Variants in ROBO1 observed in about 807,000 individuals in gnomAD.
The protein encoded by ROBO1 is roundabout guidance receptor 1.
A neutral mutation model predicts 195.9 loss-of-function variants in ROBO1; 149 were observed. The ratio of observed to expected loss-of-function variants is 0.76; its 90% CI spans 0.67 to 0.87. The LOEUF is 0.87. Ranked by LOEUF, ROBO1 falls within the 40% of genes least tolerant of loss-of-function variation. The pLI, the probability that ROBO1 is intolerant of heterozygous loss-of-function variation, is 0.00. For synonymous variants in ROBO1, 816 were observed against 733.2 expected, an observed-to-expected ratio of 1.11 and a Z score of -1.82; for missense variants, 1,933 against 2,068.3, an observed-to-expected ratio of 0.93 and a Z score of 1.27.
chr3:78,695,317 G>T lies in ROBO1; in HGVS notation c.1046-6545C>A, dbSNP rs140644325. Among the ~76,000 whole-genome samples the T allele has an allele frequency of 5.7e-3, 864 of 152,164 alleles. 11 individuals carry two copies. The highest frequency in any genetic ancestry group is 0.02 in the African/African-American group (822 of 41,546). ...TAATGTATTTGCATATCACATCAATGACAGATGACAACTGAAAAATATTTT... is the reference window on the plus strand; with the variant it reads ...TAATGTATTTGCATATCACATCAATTACAGATGACAACTGAAAAATATTTT... On this transcript the variant is annotated intron_variant, in intron 8 of 30. Transcript: ENST00000464233.
In ROBO1 at chr3:79,187,298, G is replaced by A. The variant is rs564870138; in HGVS notation, c.89-61759C>T. On this transcript the variant is annotated intron_variant, in intron 2 of 30. Transcript: ENST00000464233. Reference sequence around the variant, plus strand: ...CATCTGGAAGAGATACCAAATAGGAGTTTCTACATTGTCTCTAAATTTCCT... The same window carrying A: ...CATCTGGAAGAGATACCAAATAGGAATTTCTACATTGTCTCTAAATTTCCT... Among the ~76,000 whole-genome samples the A allele has an allele frequency of 2.2e-4, 33 of 152,084 alleles. No individual in the cohort carries two copies. The East Asian group carries it at 6.2e-3, about 29-fold the overall frequency.
At chr3:79,268,287 A>G (rs965254316) in intron 2 of ROBO1, among the ~76,000 whole-genome samples, 4 of 151,698 alleles carry the variant, frequency 2.6e-5, no homozygotes, top group African/African-American at 9.7e-5. Flanking sequence ...TAAACAAAAC[A>G]CAAACCTTAC....
intron 2 of ROBO1, among the ~76,000 whole-genome samples, chr3:79,246,551 A>G (rs2082627191): frequency 6.6e-6 from 1 of 152,124 alleles, no homozygotes; most frequent in South Asian, 2.1e-4. Flanking sequence ...TAATCATACA[A>G]TAGTTGAATA....
At chr3:79,436,568 A>T (rs1253854514) in intron 2 of ROBO1, among the ~76,000 whole-genome samples, 1 of 152,128 alleles carries the variant, frequency 6.6e-6, no homozygotes, top group Non-Finnish European at 1.5e-5. Flanking sequence ...GTAGGTTGTC[A>T]TGTAAACTAA....
intron 2 of ROBO1, among the ~76,000 whole-genome samples, chr3:79,142,582 A>G (rs2080550795): frequency 6.6e-6 from 1 of 152,168 alleles, no homozygotes; most frequent in Non-Finnish European, 1.5e-5. Flanking sequence ...GAGTGGACAC[A>G]GCCTAGGTGA....
At chr3:79,316,582 T>C (rs1315065799) in intron 2 of ROBO1, among the ~76,000 whole-genome samples, 1 of 152,112 alleles carries the variant, frequency 6.6e-6, no homozygotes, top group African/African-American at 2.4e-5. Context: ...TGTTCCTATG[T>C]TCTTAGAGAT....
chr3:79,134,067 C>G (rs1485757672), intron 2 of ROBO1, among the ~76,000 whole-genome samples: 4 of 148,434 alleles, frequency 2.7e-5, no homozygotes, highest in East Asian at 4.0e-4. Context: ...AGCTTCTGCA[C>G]AGCAAAAGAA....
intron 1 of ROBO1, among the ~76,000 whole-genome samples, chr3:79,719,303 G>A (rs1474574464): frequency 6.6e-6 from 1 of 151,994 alleles, no homozygotes; most frequent in Non-Finnish European, 1.5e-5. Context: ...TCATTTTAAT[G>A]AACTGTCTAG....
intron 4 of ROBO1, among the ~76,000 whole-genome samples, chr3:78,848,679 TGAA>T (rs1035399327): frequency 1.8e-4 from 27 of 152,088 alleles, no homozygotes; most frequent in Non-Finnish European, 4.4e-5. Flanking sequence ...TTAGGTTGGG[TGAA>T]GAAGGACAGC....
chr3:78,947,842 A>T (rs148443922), intron 3 of ROBO1, among the ~76,000 whole-genome samples: 16,111 of 151,990 alleles, frequency 0.11, 2,087 homozygotes, highest in African/African-American at 0.31. Flanking sequence ...AAAGGGGATA[A>T]CACCACCAAT....
Position 79,518,643 on chromosome 3 carries a change from T to C in ROBO1, c.88+71181A>G, listed in dbSNP as rs867706636. ...AAAATGTAAAGCTTTTTCTATATTA[T>C]GCATAGATAATAAACATTCTCCAAA... On this transcript the variant is annotated intron_variant, in intron 2 of 30. Coordinates refer to ENST00000464233, the MANE Select transcript of ROBO1 (RefSeq NM_002941.4). Among the ~76,000 whole-genome samples, 5 of 152,226 alleles carry C rather than the reference T, an allele frequency of 3.3e-5. No individual in the cohort carries two copies. The South Asian group carries it at 1.0e-3, about 32-fold the overall frequency.
chr3:78,923,825 G>A (rs755442740), intron 4 of ROBO1, among the ~76,000 whole-genome samples: 7 of 152,226 alleles, frequency 4.6e-5, no homozygotes, highest in Admixed American at 1.3e-4. Flanking sequence ...CTGAGAAGGC[G>A]AAGGAGGCGA....
chr3:78,887,447 TAAG>T (rs1158612375), intron 4 of ROBO1, among the ~76,000 whole-genome samples: 6 of 152,184 alleles, frequency 3.9e-5, no homozygotes, highest in Admixed American at 2.6e-4. Context: ...TTATGAAATT[TAAG>T]AAGATTTCCC....
At chr3:79,149,610 A>G (rs1324058740) in intron 2 of ROBO1, among the ~76,000 whole-genome samples, 1 of 151,718 alleles carries the variant, frequency 6.6e-6, no homozygotes, top group East Asian at 1.9e-4. Flanking sequence ...GGACTCAGGT[A>G]AATCGGCCTC....
chr3:79,521,895 G>A (rs978274468), intron 2 of ROBO1, among the ~76,000 whole-genome samples: 1 of 152,096 alleles, frequency 6.6e-6, no homozygotes, highest in Admixed American at 6.6e-5. Context: ...GTAGAGAGAG[G>A]TGATGACCTT....
At chr3:78,658,852 A>T (rs1033776487) in intron 17 of ROBO1, among the ~76,000 whole-genome samples, 62 of 152,324 alleles carry the variant, frequency 4.1e-4, no homozygotes, top group African/African-American at 1.4e-3. Flanking sequence ...TCCCATTTAC[A>T]TTATACAGCT....
At chr3:79,221,787 A>T (rs1332898180) in intron 2 of ROBO1, among the ~76,000 whole-genome samples, 1 of 152,096 alleles carries the variant, frequency 6.6e-6, no homozygotes, top group African/African-American at 2.4e-5. Flanking sequence ...TTAAAAATTC[A>T]AGTAAACATT....
intron 26 of ROBO1, among the ~76,000 whole-genome samples, chr3:78,625,358 C>T (rs1373556495): frequency 6.6e-6 from 1 of 152,176 alleles, no homozygotes; most frequent in African/African-American, 2.4e-5. Context: ...CCTATTTCCT[C>T]AGCCATCTTA....
intron 4 of ROBO1, among the ~76,000 whole-genome samples, chr3:78,768,986 A>G (rs929050145): frequency 6.6e-6 from 1 of 152,100 alleles, no homozygotes; most frequent in Non-Finnish European, 1.5e-5. Flanking sequence ...ATAGCCTATC[A>G]TATGGTCTGT....
Sources: gnomAD v4.1 joint callset for allele counts (sites outside exome capture counted in the v4.1 genomes callset) on GRCh38, gnomAD v4.1.1 for gene constraint, MANE v1.5 for transcripts, NCBI Gene and HGNC (gene_info 2026-07-23, HGNC 2026-07-21) for gene names.